ATG5: variants seen among roughly 807,000 people sequenced by gnomAD.
The protein encoded by ATG5 is autophagy related 5, also known as autophagy protein 5.
ATG5 carries 14 observed loss-of-function variants against 36.5 expected under a neutral mutation model. The observed-to-expected ratio is 0.38, with a 90% CI of 0.25 to 0.60. The LOEUF (loss-of-function observed/expected upper bound fraction) is 0.60. ATG5 is among the 20% of genes least tolerant of loss of function. The probability of loss-of-function intolerance (pLI) is 0.60; values close to 1 mark genes in which losing one functional copy is unlikely to be tolerated. For missense variants in ATG5, 195 were observed against 326.7 expected (o/e 0.60, Z 3.11); for synonymous variants, 95 against 101.5 (o/e 0.94, Z 0.38).
chr6:106,264,318 G>T (rs956845501), intron 5 of ATG5, among the ~76,000 whole-genome samples: 2 of 152,084 alleles, frequency 1.3e-5, no homozygotes, highest in Non-Finnish European at 2.9e-5. Flanking sequence ...AGGAACGAAT[G>T]AAGCCTCCAA....
chr6:106,289,588 C>T (rs895193290), intron 4 of ATG5, among the ~76,000 whole-genome samples: 14 of 152,008 alleles, frequency 9.2e-5, no homozygotes, highest in Admixed American at 7.9e-4. Context: ...AAATGTATGA[C>T]CTACTAAGGA....
chr6:106,289,442 C>T (rs573025818), intron 4 of ATG5, among the ~76,000 whole-genome samples: 95 of 151,950 alleles, frequency 6.3e-4, no homozygotes, highest in African/African-American at 2.2e-3. Flanking sequence ...CTCTAACAGG[C>T]CAGGATAAGA....
At chr6:106,237,222 CA>C (rs1338432705) in intron 6 of ATG5, among the ~76,000 whole-genome samples, 1 of 151,926 alleles carries the variant, frequency 6.6e-6, no homozygotes, top group Admixed American at 6.6e-5. Flanking sequence ...TAAATAAAAG[CA>C]AAACTAAACC....
chr6:106,200,349 C>T (rs947599548), intron 7 of ATG5, among the ~76,000 whole-genome samples: 1 of 152,140 alleles, frequency 6.6e-6, no homozygotes, highest in African/African-American at 2.4e-5. Context: ...ATTCAGAATA[C>T]ATTCGTAAGA....
intron 5 of ATG5, among the ~76,000 whole-genome samples, chr6:106,256,926 A>G (rs1387020962): frequency 6.6e-6 from 1 of 152,214 alleles, no homozygotes; most frequent in Non-Finnish European, 1.5e-5. Context: ...TCACTTTATA[A>G]ACATTTTCAA....
At chr6:106,194,277 G>A (rs1409613424) in intron 7 of ATG5, among the ~76,000 whole-genome samples, 2 of 151,704 alleles carry the variant, frequency 1.3e-5, no homozygotes, top group African/African-American at 4.8e-5. Context: ...ATTCTTCCGG[G>A]GGCAGTGCCA....
chr6:106,198,707 T>TA (rs1180593831), intron 7 of ATG5, among the ~76,000 whole-genome samples: 1 of 149,574 alleles, frequency 6.7e-6, no homozygotes, highest in African/African-American at 2.5e-5. Context: ...AACCCGGAGG[T>TA]GGAGGTTGCA....
intron 2 of ATG5, among the ~76,000 whole-genome samples, chr6:106,309,542 CT>C (rs532107005): frequency 8.3e-4 from 126 of 152,144 alleles, no homozygotes; most frequent in African/African-American, 2.9e-3. Context: ...ATAAGTTATT[CT>C]TTTATAAAGA....
chr6:106,207,438 T>C (rs1776675376), intron 6 of ATG5, among the ~76,000 whole-genome samples: 1 of 152,096 alleles, frequency 6.6e-6, no homozygotes, highest in Non-Finnish European at 1.5e-5. Flanking sequence ...TGGTGGCTCA[T>C]GCCTGTAATC....
intron 6 of ATG5, among the ~76,000 whole-genome samples, chr6:106,225,975 A>C (rs551000331): frequency 6.6e-6 from 1 of 152,354 alleles, no homozygotes; most frequent in Non-Finnish European, 1.5e-5. Context: ...AAAGCCATAC[A>C]CATGTATAGA....
intron 4 of ATG5, among the ~76,000 whole-genome samples, chr6:106,286,855 C>T (rs1204155795): frequency 6.6e-6 from 1 of 152,152 alleles, no homozygotes; most frequent in Non-Finnish European, 1.5e-5. Context: ...ATGAATTCTG[C>T]CAGCAAACTA....
chr6:106,322,745 T>C (rs759730934), intron 1 of ATG5, among the ~76,000 whole-genome samples: 17 of 152,348 alleles, frequency 1.1e-4, no homozygotes, highest in Non-Finnish European at 2.2e-4. Context: ...ATCTCTCACA[T>C]GGTTTTAAAT....
rs115914313 is a variant in ATG5, at chr6:106,260,353, C to G, written c.479-12109G>C. Reference sequence around the variant, plus strand: ...ACAATTAGAATTATGAAAATTAACTCCAATTTGAAATGCTGTTTGGGATAC... The same window carrying G: ...ACAATTAGAATTATGAAAATTAACTGCAATTTGAAATGCTGTTTGGGATAC... On this transcript the variant is annotated intron_variant, in intron 5 of 7. Transcript: ENST00000369076. 6.7e-3 allele frequency among the ~76,000 whole-genome samples: 1,016 copies of G among 152,176 alleles called. 14 individuals are homozygous for G. The highest frequency in any genetic ancestry group is 0.024 in the African/African-American group (989 of 41,480).
chr6:106,258,296 C>T (rs1353103614), intron 5 of ATG5, among the ~76,000 whole-genome samples: 1 of 152,006 alleles, frequency 6.6e-6, no homozygotes, highest in African/African-American at 2.4e-5. Context: ...TTGCCTGAAC[C>T]CAGGAGGTCA....
chr6:106,218,830 G>T (rs1042989932), intron 6 of ATG5, among the ~76,000 whole-genome samples: 4 of 152,092 alleles, frequency 2.6e-5, no homozygotes. Context: ...AACTTTAAAT[G>T]TAAGTTAATA....
At chr6:106,214,982 T>C (rs986061856) in intron 6 of ATG5, among the ~76,000 whole-genome samples, 3 of 152,216 alleles carry the variant, frequency 2.0e-5, no homozygotes, top group Non-Finnish European at 4.4e-5. Context: ...AAGGGAAGTA[T>C]AGTTTAAATT....
At chr6:106,198,729 T>A (rs890582498) in intron 7 of ATG5, among the ~76,000 whole-genome samples, 1 of 151,572 alleles carries the variant, frequency 6.6e-6, no homozygotes, top group East Asian at 1.9e-4. Flanking sequence ...TTAGCCAAGA[T>A]TGCACCACTG....
intron 5 of ATG5, among the ~76,000 whole-genome samples, chr6:106,262,559 T>C (rs968741145): frequency 6.6e-6 from 1 of 151,706 alleles, no homozygotes; most frequent in African/African-American, 2.4e-5. Flanking sequence ...CATTCTCGAG[T>C]TGATAAGATG....
chr6:106,198,793 A>T (rs1184970438), intron 7 of ATG5, among the ~76,000 whole-genome samples: 1 of 151,610 alleles, frequency 6.6e-6, no homozygotes, highest in Non-Finnish European at 1.5e-5. Context: ...AAAAAGAGAG[A>T]GAGTGAGAAA....
Sources: gnomAD v4.1 joint callset for allele counts (sites outside exome capture counted in the v4.1 genomes callset) on GRCh38, gnomAD v4.1.1 for gene constraint, MANE v1.5 for transcripts, NCBI Gene and HGNC (gene_info 2026-07-23, HGNC 2026-07-21) for gene names.